FBXL13: variants seen among roughly 807,000 people sequenced by gnomAD.
FBXL13 encodes F-box and leucine-rich repeat protein 13.
A neutral mutation model predicts 83.6 loss-of-function variants in FBXL13; 67 were observed. The ratio of observed to expected loss-of-function variants is 0.80; its 90% CI spans 0.66 to 0.98. The LOEUF is 0.98. FBXL13 is among the 50% of genes least tolerant of loss of function. The pLI, the probability that FBXL13 is intolerant of heterozygous loss-of-function variation, is 0.00. For synonymous variants in FBXL13, 272 were observed against 299.5 expected (o/e 0.91, Z 0.95); for missense variants, 822 against 866.5 (o/e 0.95, Z 0.64).
chr7:102,930,364 T>C (rs1243763536), intron 9 of FBXL13, among the ~76,000 whole-genome samples: 1 of 152,066 alleles, frequency 6.6e-6, no homozygotes, highest in African/African-American at 2.4e-5. Flanking sequence ...CTCTCCATCA[T>C]CCTCTATAAA....
At chr7:103,029,487 G>T in intron 2 of FBXL13, 69 bp from the exon 4 acceptor site, 1 of 854,278 alleles carries the variant, frequency 1.2e-6, no homozygotes, top group Non-Finnish European at 1.7e-6. Context: ...ACCTCTGCAA[G>T]ATACTCAAGA....
intron 11 of FBXL13, among the ~76,000 whole-genome samples, chr7:102,911,326 ATT>A (rs1226983166): frequency 6.6e-6 from 1 of 152,212 alleles, no homozygotes. Flanking sequence ...TAACTGAGAA[ATT>A]GATAAGAAGA....
intron 10 of FBXL13, among the ~76,000 whole-genome samples, chr7:102,922,839 G>A (rs1817335232): frequency 6.6e-6 from 1 of 152,080 alleles, no homozygotes; most frequent in Non-Finnish European, 1.5e-5. Context: ...TTAACTGGGT[G>A]TGGTGGTGGG....
chr7:102,841,278 T>G (rs1272056476), intron 17 of FBXL13, among the ~76,000 whole-genome samples: 2 of 152,138 alleles, frequency 1.3e-5, no homozygotes, highest in African/African-American at 4.8e-5. Flanking sequence ...TTGGCAAGTT[T>G]CATCTTACAA....
chr7:102,877,830 A>G (rs1245822743), intron 15 of FBXL13, among the ~76,000 whole-genome samples: 1 of 152,204 alleles, frequency 6.6e-6, no homozygotes, highest in Non-Finnish European at 1.5e-5. Flanking sequence ...ACAATTTCTA[A>G]TAAGGAAAAA....
At chr7:103,057,844 C>T (rs541463916) in intron 1 of FBXL13, among the ~76,000 whole-genome samples, 7 of 152,258 alleles carry the variant, frequency 4.6e-5, no homozygotes, top group Admixed American at 1.3e-4. Flanking sequence ...AATTCTCCAT[C>T]GGCATTTCTC....
chr7:102,869,225 G>A (rs918580208), intron 16 of FBXL13, among the ~76,000 whole-genome samples: 2 of 152,202 alleles, frequency 1.3e-5, no homozygotes, highest in Non-Finnish European at 2.9e-5. Context: ...GTTCCCTGGT[G>A]TTAATGATGT....
chr7:103,027,210 T>C (rs1248816237), intron 5 of FBXL13, among the ~76,000 whole-genome samples: 2 of 151,710 alleles, frequency 1.3e-5, no homozygotes, highest in Non-Finnish European at 2.9e-5. Context: ...GCAGGAGAAA[T>C]GCTTGAACCT....
At chr7:103,003,329 C>T (rs1281038262) in intron 6 of FBXL13, among the ~76,000 whole-genome samples, 1 of 134,088 alleles carries the variant, frequency 7.5e-6, no homozygotes, top group African/African-American at 2.9e-5. Flanking sequence ...ACTCTCTTGC[C>T]CAGGCTGGAG....
intron 11 of FBXL13, among the ~76,000 whole-genome samples, chr7:102,896,832 T>C (rs1210671210): frequency 6.6e-6 from 1 of 152,198 alleles, no homozygotes; most frequent in Non-Finnish European, 1.5e-5. Flanking sequence ...AAGGTCATAT[T>C]CTGAGGTACT....
At chr7:102,862,236 G>A (rs1806967626) in intron 16 of FBXL13, among the ~76,000 whole-genome samples, 1 of 150,656 alleles carries the variant, frequency 6.6e-6, no homozygotes, top group Admixed American at 6.7e-5. Flanking sequence ...GGCTGAGGCA[G>A]AAGAATTGCT....
chr7:102,908,397 C>T (rs796512137), intron 11 of FBXL13, among the ~76,000 whole-genome samples: 1 of 152,160 alleles, frequency 6.6e-6, no homozygotes, highest in South Asian at 2.1e-4. Flanking sequence ...TCTGTTTCTC[C>T]AGGATTGCCC....
At chr7:103,007,476 A>G (rs1791108157) in intron 6 of FBXL13, among the ~76,000 whole-genome samples, 1 of 152,160 alleles carries the variant, frequency 6.6e-6, no homozygotes, top group Non-Finnish European at 1.5e-5. Context: ...AAAACCTGTC[A>G]GCCTAGAATT....
At chr7:103,074,745 G>A (rs1045227054), upstream of FBXL13, 7 of 1,289,728 alleles carry the variant, frequency 5.4e-6, no homozygotes, top group South Asian at 1.2e-5. Context: ...CTTCAGCCTC[G>A]GGTTGGCATT....
chr7:102,961,482 C>A (rs2129478892), intron 8 of FBXL13, among the ~76,000 whole-genome samples: 1 of 143,460 alleles, frequency 7.0e-6, no homozygotes, highest in East Asian at 2.1e-4. Context: ...TTGGAAAAAA[C>A]TACTTTAAAG....
At chr7:102,901,943 T>C (rs947166690) in intron 11 of FBXL13, among the ~76,000 whole-genome samples, 2 of 152,218 alleles carry the variant, frequency 1.3e-5, no homozygotes, top group African/African-American at 4.8e-5. Context: ...CTTTTGGGTA[T>C]ATACCCAGCA....
intron 8 of FBXL13, among the ~76,000 whole-genome samples, chr7:102,938,452 T>C (rs953383238): frequency 1.3e-5 from 2 of 152,212 alleles, no homozygotes; most frequent in Non-Finnish European, 2.9e-5. Context: ...GCCTGCTAAA[T>C]GGGGAAATTA....
intron 17 of FBXL13, among the ~76,000 whole-genome samples, chr7:102,848,826 G>A (rs372971073): frequency 1.3e-4 from 19 of 151,594 alleles, no homozygotes; most frequent in Non-Finnish European, 1.5e-4. Flanking sequence ...TGGTGAAGTC[G>A]CATTTCTACT....
At chr7:102,865,415 TTTCTC>T (rs376602889) in intron 16 of FBXL13, among the ~76,000 whole-genome samples, 36 of 152,366 alleles carry the variant, frequency 2.4e-4, no homozygotes, top group African/African-American at 8.4e-4. Flanking sequence ...TTCTCGAAAA[TTTCTC>T]TTCATCTCCC....
Sources: allele counts gnomAD v4.1 joint callset (sites outside exome capture counted in the v4.1 genomes callset), GRCh38; gene constraint gnomAD v4.1.1; transcripts MANE v1.5; gene names NCBI Gene and HGNC (gene_info 2026-07-23, HGNC 2026-07-21).